Variants in ROBO2 observed in about 807,000 individuals in gnomAD.
ROBO2 encodes roundabout guidance receptor 2.
In ROBO2, 53 loss-of-function variants were observed where a neutral mutation model predicts 160.8. The ratio of observed to expected loss-of-function variants is 0.33; its 90% CI spans 0.26 to 0.41. The LOEUF (loss-of-function observed/expected upper bound fraction) is 0.41. Ranked by LOEUF, ROBO2 falls within the 10% of genes least tolerant of loss-of-function variation. The pLI is 1.00. For synonymous variants in ROBO2, 664 were observed against 611.7 expected, an observed-to-expected ratio of 1.09 and a Z score of -1.26; for missense variants, 1,577 against 1,722.4, an observed-to-expected ratio of 0.92 and a Z score of 1.49.
chr3:77,085,419 AATCTT>A, intron 1 of ROBO2, among the ~76,000 whole-genome samples: 1 of 152,204 alleles, frequency 6.6e-6, no homozygotes, highest in East Asian at 1.9e-4. Flanking sequence ...TTATGTCACA[AATCTT>A]ATCTAAGGTG....
chr3:76,923,538 A>C (rs1242007769), intron 2 of ROBO2, among the ~76,000 whole-genome samples: 1 of 152,222 alleles, frequency 6.6e-6, no homozygotes, highest in Non-Finnish European at 1.5e-5. Context: ...ATGTGACCAC[A>C]CCAAGAAAAG....
chr3:76,891,757 C>T (rs1454577099), intron 2 of ROBO2, among the ~76,000 whole-genome samples: 1 of 152,096 alleles, frequency 6.6e-6, no homozygotes, highest in Non-Finnish European at 1.5e-5. Context: ...ACCTTGAGCT[C>T]AAGGAAGACA....
intron 2 of ROBO2, among the ~76,000 whole-genome samples, chr3:76,395,037 C>T (rs565720744): frequency 2.0e-5 from 3 of 152,146 alleles, no homozygotes; most frequent in East Asian, 1.9e-4. Context: ...TTTTCAGCAC[C>T]GCACCACACC....
At chr3:76,797,072 C>A (rs990263282) in intron 2 of ROBO2, among the ~76,000 whole-genome samples, 1 of 152,082 alleles carries the variant, frequency 6.6e-6, no homozygotes, top group Non-Finnish European at 1.5e-5. Context: ...AACATTGGAT[C>A]TAATCTGCAC....
In ROBO2 at chr3:76,283,136, G is replaced by GTGTATATATATATATATA. The variant is rs1553695787; in HGVS notation, c.109+345535_109+345536insGTATATATATATATATAT. On this transcript the variant is annotated intron_variant, in intron 2 of 26. Transcript: ENST00000487694. ...GTTATATATGTATATATATAAAACTGTATATATATATATATAAAACTACAT... is the reference window on the plus strand; with the variant it reads ...GTTATATATGTATATATATAAAACTGTGTATATATATATATATATATATATATATATATAAAACTACAT... Among the ~76,000 whole-genome samples the GTGTATATATATATATATA allele has an allele frequency of 6.8e-4, 43 of 63,536 alleles. 2 individuals are homozygous for GTGTATATATATATATATA. The highest frequency in any genetic ancestry group is 1.9e-3 in the African/African-American group (42 of 22,498). The allele number at this position is 63,536 out of a possible 152,430, so 41.7% of individuals were successfully genotyped here. A position where few individuals can be genotyped will look rare whatever the true frequency, so the allele number is the denominator to read the frequency against.
chr3:77,466,282 T>G (rs2082752759), intron 2 of ROBO2, among the ~76,000 whole-genome samples: 1 of 152,190 alleles, frequency 6.6e-6, no homozygotes, highest in Non-Finnish European at 1.5e-5. Flanking sequence ...GCCCATATTT[T>G]GTGATGTGGA....
intron 2 of ROBO2, among the ~76,000 whole-genome samples, chr3:76,097,729 A>G: frequency 6.6e-6 from 1 of 152,184 alleles, no homozygotes; most frequent in Non-Finnish European, 1.5e-5. Flanking sequence ...ATACACATAC[A>G]CAAGTCCATG....
intron 2 of ROBO2, among the ~76,000 whole-genome samples, chr3:76,064,597 A>AT (rs1482275822): frequency 1.3e-5 from 2 of 152,186 alleles, no homozygotes; most frequent in Admixed American, 6.5e-5. Context: ...AAAAAGAAAG[A>AT]TTTTTCTAAT....
intron 2 of ROBO2, among the ~76,000 whole-genome samples, chr3:76,302,473 G>A (rs937200893): frequency 6.6e-6 from 1 of 151,974 alleles, no homozygotes; most frequent in African/African-American, 2.4e-5. Context: ...AGGCTCAAGA[G>A]CACTCAGGGG....
chr3:75,990,151 A>G (rs1191490725), intron 2 of ROBO2, among the ~76,000 whole-genome samples: 1 of 152,224 alleles, frequency 6.6e-6, no homozygotes, highest in Non-Finnish European at 1.5e-5. Context: ...TGTATTTATT[A>G]CAGAATTACT....
chr3:77,409,574 G>A (rs777118804), intron 2 of ROBO2, among the ~76,000 whole-genome samples: 4 of 151,928 alleles, frequency 2.6e-5, no homozygotes, highest in Non-Finnish European at 5.9e-5. Flanking sequence ...GAATACATGC[G>A]CCGGCTTTAT....
intron 2 of ROBO2, among the ~76,000 whole-genome samples, chr3:76,562,331 A>C (rs1385583835): frequency 2.0e-5 from 3 of 152,012 alleles, no homozygotes; most frequent in Non-Finnish European, 2.9e-5. Context: ...ACAGCCAATA[A>C]TACTATGATT....
intron 2 of ROBO2, among the ~76,000 whole-genome samples, chr3:76,886,713 A>G (rs879620089): frequency 6.6e-6 from 1 of 152,104 alleles, no homozygotes; most frequent in Non-Finnish European, 1.5e-5. Flanking sequence ...TCAGGAGAGC[A>G]CAGTTGCATT....
chr3:77,138,275 T>C (rs1438874107), intron 2 of ROBO2, among the ~76,000 whole-genome samples: 1 of 152,248 alleles, frequency 6.6e-6, no homozygotes, highest in Non-Finnish European at 1.5e-5. Context: ...GTGATTATAG[T>C]TTGTGAAAAT....
intron 2 of ROBO2, among the ~76,000 whole-genome samples, chr3:76,648,358 A>G (rs2091085702): frequency 6.6e-6 from 1 of 152,148 alleles, no homozygotes; most frequent in African/African-American, 2.4e-5. Flanking sequence ...TGGAATACTT[A>G]AAAGTAAATG....
chr3:76,303,878 G>C (rs547244447), intron 2 of ROBO2, among the ~76,000 whole-genome samples: 126 of 152,292 alleles, frequency 8.3e-4, no homozygotes, highest in Admixed American at 2.2e-3. Context: ...GATGAGAACT[G>C]ATGTGCAACC....
intron 2 of ROBO2, among the ~76,000 whole-genome samples, chr3:76,499,263 A>G (rs1185394309): frequency 1.3e-5 from 2 of 152,186 alleles, no homozygotes; most frequent in Middle Eastern, 3.2e-3. Flanking sequence ...ACTGAAAAGT[A>G]GGGGAAAATA....
rs62251217 is a variant in ROBO2 at position 77,313,523 on chromosome 3, T to C, written c.389-163891T>C. Among the ~76,000 whole-genome samples, 676 of 152,256 alleles carry C rather than the reference T, an allele frequency of 4.4e-3. 3 individuals are homozygous for C. Among genetic ancestry groups the C allele is most frequent in the Middle Eastern group, 0.014 (4 of 294 alleles). Reference sequence around the variant, plus strand: ...TTCACAAATCTCTTCCTATCCCTGCTTTCCCCAACCATTCCCAGTCTCTAG... The same window carrying C: ...TTCACAAATCTCTTCCTATCCCTGCCTTCCCCAACCATTCCCAGTCTCTAG... On this transcript the variant is annotated intron_variant, in intron 2 of 25. Coordinates refer to ENST00000461745, the Ensembl canonical transcript of ROBO2.
chr3:77,082,856 T>C (rs1259111925), intron 1 of ROBO2, among the ~76,000 whole-genome samples: 1 of 152,004 alleles, frequency 6.6e-6, no homozygotes, highest in African/African-American at 2.4e-5. Context: ...AGAGATTAAA[T>C]TGAGGCCCCT....
Sources: allele counts gnomAD v4.1 joint callset (sites outside exome capture counted in the v4.1 genomes callset), GRCh38; gene constraint gnomAD v4.1.1; transcripts MANE v1.5; gene names NCBI Gene and HGNC (gene_info 2026-07-23, HGNC 2026-07-21).